The following YES1 variants were observed in gnomAD, a reference collection of about 807,000 sequenced individuals.
YES1 encodes the protein tyrosine-protein kinase Yes.
YES1 carries 39 observed loss-of-function variants against 70.4 expected under a neutral mutation model. That is an observed-to-expected ratio of 0.55 (90% CI 0.43 to 0.72). The LOEUF (loss-of-function observed/expected upper bound fraction) is 0.72, where lower values mean the gene tolerates loss of function less well. Ranked by LOEUF, YES1 falls within the 30% of genes least tolerant of loss-of-function variation. The pLI is 0.00. For missense variants in YES1, 495 were observed against 644.8 expected (o/e 0.77, Z 2.52); for synonymous variants, 198 against 218.6 (o/e 0.91, Z 0.83).
intron 11 of YES1, among the ~76,000 whole-genome samples, chr18:726,304 A>G (rs2080018233): frequency 6.6e-6 from 1 of 152,026 alleles, no homozygotes; most frequent in Non-Finnish European, 1.5e-5. Flanking sequence ...GGGCATCTGT[A>G]GTCCCAGCTA....
At position 735,161 on chromosome 18, in the gene YES1, C is replaced by CAAAAA. The variant is rs71174281; in HGVS notation, c.1291+1642_1291+1646dup. ...AACAGATTGAGACTGTGTCTCAAAG[C>CAAAAA]AAAAAAAAAAAAATCATTATATGAA... On this transcript the variant is annotated intron_variant, in intron 10 of 11. Coordinates refer to ENST00000314574, the MANE Select transcript of YES1 (RefSeq NM_005433.4). 1.8e-4 allele frequency among the ~76,000 whole-genome samples: 20 copies of CAAAAA among 110,686 alleles called. 1 individual carries two copies. Among genetic ancestry groups the CAAAAA allele is most frequent in the East Asian group, 1.3e-3 (4 of 2,994 alleles). 72.6% of individuals were successfully genotyped at this position (110,686 alleles called of 152,430 possible). A position where few individuals can be genotyped will look rare whatever the true frequency, so the allele number is the denominator to read the frequency against.
chr18:748,827 C>T (rs2145721708), intron 3 of YES1, among the ~76,000 whole-genome samples: 1 of 152,226 alleles, frequency 6.6e-6, no homozygotes, highest in African/African-American at 2.4e-5. Context: ...CTCTAACATT[C>T]CTGTAGCCAG....
chr18:749,712 T>C lies in YES1; in HGVS notation c.372-1694A>G, dbSNP rs552910046. Reference sequence around the variant, plus strand: ...CTACTAAAAAAAAAACAAAAAAAATTAGCCAGACGTGGTGGCGGGCGCCTG... The same window carrying C: ...CTACTAAAAAAAAAACAAAAAAAATCAGCCAGACGTGGTGGCGGGCGCCTG... On this transcript the variant is annotated intron_variant, in intron 3 of 11. Transcript: ENST00000314574. Among the ~76,000 whole-genome samples the C allele has an allele frequency of 2.8e-3, 426 of 151,558 alleles. 2 individuals carry two copies. Among genetic ancestry groups the C allele is most frequent in the Admixed American group, 6.9e-3 (105 of 15,240 alleles).
intron 1 of YES1, among the ~76,000 whole-genome samples, chr18:799,689 C>A (rs954064019): frequency 1.3e-5 from 2 of 151,682 alleles, no homozygotes; most frequent in South Asian, 2.1e-4. Flanking sequence ...GGCAACAGAG[C>A]GAGACTCCAT....
chr18:749,785 A>AG (rs1229552506), intron 3 of YES1, among the ~76,000 whole-genome samples: 1 of 148,912 alleles, frequency 6.7e-6, no homozygotes, highest in Non-Finnish European at 1.5e-5. Context: ...GCATGAACCC[A>AG]GGGGGCAGAG....
chr18:728,866 C>T (rs543165044), intron 11 of YES1, among the ~76,000 whole-genome samples: 2 of 152,282 alleles, frequency 1.3e-5, no homozygotes, highest in South Asian at 4.1e-4. Context: ...TCTGCACCAC[C>T]TCCTTATGGC....
chr18:792,549 CTCTCT>C (rs746555356), intron 1 of YES1, among the ~76,000 whole-genome samples: 14,157 of 132,992 alleles, frequency 0.11, 857 homozygotes, highest in Admixed American at 0.23. Context: ...CTCTCTCTCT[CTCTCT>C]CCCTCTGTAT....
intron 1 of YES1, among the ~76,000 whole-genome samples, chr18:806,814 C>T (rs868347116): frequency 1.1e-4 from 17 of 152,248 alleles, no homozygotes; most frequent in South Asian, 6.2e-4. Context: ...CATGGTCTAA[C>T]TGTACCTCAT....
chr18:783,136 G>A (rs1021930529), intron 1 of YES1, among the ~76,000 whole-genome samples: 3 of 152,000 alleles, frequency 2.0e-5, no homozygotes, highest in Admixed American at 6.6e-5. Flanking sequence ...GTAAGTCCCA[G>A]CTACTCAGGA....
intron 3 of YES1, among the ~76,000 whole-genome samples, chr18:750,742 T>C (rs1428509937): frequency 1.3e-5 from 2 of 152,116 alleles, no homozygotes; most frequent in African/African-American, 4.8e-5. Context: ...AGGAAGAATG[T>C]TAAGGAAAGG....
At chr18:752,196 C>T (rs1399350083) in intron 2 of YES1, among the ~76,000 whole-genome samples, 3 of 152,154 alleles carry the variant, frequency 2.0e-5, no homozygotes, top group Non-Finnish European at 4.4e-5. Context: ...TAACCTCTGC[C>T]TCCTAGGTTC....
chr18:786,119 C>T (rs185409734), intron 1 of YES1, among the ~76,000 whole-genome samples: 2 of 152,148 alleles, frequency 1.3e-5, no homozygotes, highest in Non-Finnish European at 2.9e-5. Flanking sequence ...ATCTGTGGTA[C>T]TGTTATAGCA....
chr18:726,972 C>T (rs1033403036), intron 11 of YES1, among the ~76,000 whole-genome samples: 2 of 152,006 alleles, frequency 1.3e-5, no homozygotes, highest in African/African-American at 2.4e-5. Context: ...GGCAATGGAT[C>T]GGTCCACGCT....
At chr18:803,369 C>CT (rs1906923341) in intron 1 of YES1, among the ~76,000 whole-genome samples, 1 of 152,202 alleles carries the variant, frequency 6.6e-6, no homozygotes, top group Admixed American at 6.5e-5. Flanking sequence ...AGGCTTTCTT[C>CT]TTTCCCTACC....
intron 1 of YES1, among the ~76,000 whole-genome samples, chr18:767,164 AT>A (rs967354332): frequency 2.6e-5 from 4 of 152,038 alleles, no homozygotes; most frequent in South Asian, 2.1e-4. Context: ...TTCAAAAAAA[AT>A]TTTTTTTGAG....
In YES1 at chr18:722,363, A is replaced by C. The variant is rs1162446601; in HGVS notation, c.*2061T>G. 6.7e-6 allele frequency: 1 copy of C among 149,178 alleles called. No individual in the cohort carries two copies. Among genetic ancestry groups the C allele is most frequent in the Non-Finnish European group, 1.5e-5 (1 of 66,854 alleles). The allele number at this position is 149,178 out of a possible 1,614,324, so 9.2% of individuals were successfully genotyped here. On this transcript the variant is annotated 3_prime_UTR_variant, in exon 12 of 12. Transcript: ENST00000314574. ...ACCACTGCCAACTTGCATGAAGTCC[A>C]TCTTCACATTTTAAAAATGGTTTGA... is the stretch of plus-strand genomic sequence containing the variant.
chr18:758,778 G>A (rs1904425389), intron 1 of YES1, among the ~76,000 whole-genome samples: 1 of 151,886 alleles, frequency 6.6e-6, no homozygotes, highest in Non-Finnish European at 1.5e-5. Flanking sequence ...CAAATTAATG[G>A]CAATACACTC....
intron 2 of YES1, 49 bp downstream of exon 2, chr18:756,508 C>G (rs754184668): frequency 1.2e-6 from 2 of 1,600,644 alleles, no homozygotes; most frequent in Admixed American, 3.4e-5. Context: ...ATATATTACC[C>G]AAGGTGATGT....
chr18:777,405 C>G (rs1166693063), intron 1 of YES1, among the ~76,000 whole-genome samples: 2 of 152,192 alleles, frequency 1.3e-5, no homozygotes, highest in Non-Finnish European at 2.9e-5. Context: ...CCAAGCCTAA[C>G]AAAAATTCTA....
Sources: allele counts gnomAD v4.1 joint callset (sites outside exome capture counted in the v4.1 genomes callset), GRCh38; gene constraint gnomAD v4.1.1; transcripts MANE v1.5; gene names NCBI Gene and HGNC (gene_info 2026-07-23, HGNC 2026-07-21).